The following BOLL variants were observed in gnomAD, a reference collection of about 807,000 sequenced individuals.
BOLL encodes the protein boule RNA binding protein, also known as protein boule-like.
Under a neutral mutation model 44.4 loss-of-function variants are expected in BOLL, and 23 were observed. The ratio of observed to expected loss-of-function variants is 0.52; its 90% CI spans 0.37 to 0.73. BOLL has a LOEUF of 0.73. BOLL is among the 30% of genes least tolerant of loss of function. BOLL has a pLI of 0.00. For missense variants in BOLL, 287 were observed against 338.3 expected (o/e 0.85, Z 1.19); for synonymous variants, 97 against 110.8 (o/e 0.88, Z 0.78).
chr2:197,774,038 T>A (rs1558994818), intron 5 of BOLL: 1 of 462,954 alleles, frequency 2.2e-6, no homozygotes. Flanking sequence ...AACTTTGGAG[T>A]CAAACAGTCC....
At chr2:197,756,880 T>C (rs888793389) in intron 8 of BOLL, among the ~76,000 whole-genome samples, 2 of 152,152 alleles carry the variant, frequency 1.3e-5, no homozygotes, top group South Asian at 2.1e-4. Flanking sequence ...GGTATTTAAA[T>C]TGACATAAAT....
chr2:197,755,255 A>T (rs1688459791), intron 9 of BOLL, among the ~76,000 whole-genome samples: 1 of 152,212 alleles, frequency 6.6e-6, no homozygotes, highest in African/African-American at 2.4e-5. Flanking sequence ...GATGCTGGTG[A>T]GGCTGTGGAG....
At chr2:197,775,395 A>AT (rs1405686529) in intron 5 of BOLL, among the ~76,000 whole-genome samples, 1 of 151,882 alleles carries the variant, frequency 6.6e-6, no homozygotes, top group Non-Finnish European at 1.5e-5. Flanking sequence ...ATTAAATGAT[A>AT]TTTTCATCAC....
intron 9 of BOLL, among the ~76,000 whole-genome samples, chr2:197,748,157 C>T (rs1392250958): frequency 1.3e-5 from 2 of 152,144 alleles, no homozygotes; most frequent in African/African-American, 4.8e-5. Flanking sequence ...CAGGGAACTC[C>T]CTTCCCCAGC....
intron 8 of BOLL, among the ~76,000 whole-genome samples, chr2:197,757,150 A>C (rs1688553018): frequency 6.6e-6 from 1 of 152,128 alleles, no homozygotes; most frequent in South Asian, 2.1e-4. Flanking sequence ...ATATTCACAA[A>C]AATCATGTAA....
At chr2:197,786,108 C>A (rs934079962), upstream of BOLL, 2 of 1,440,964 alleles carry the variant, frequency 1.4e-6, no homozygotes, top group East Asian at 2.7e-5. The surrounding 1 kb of genome is among the most constrained non-coding windows in gnomAD (Gnocchi z 5.9). Context: ...CTGGGACTCT[C>A]GCCCCCTGGC....
Position 197,771,873 on chromosome 2 carries a change from C to A in BOLL, c.462G>T (p.Ser154=), listed in dbSNP as rs757230427. The change falls in exon 6 of 11, where the codon TCG becomes TCT. Residue 154 remains serine, a synonymous_variant. Transcript: ENST00000392296. ...VAYFHTPEVT[S]VPPPWPSRSV... The stretch of plus-strand genomic sequence containing the variant: ...TACTTACAGGCCAAGGCGGTGGGAC[C>A]GAAGTTACCTCTGGAGTATGAAAAT... 6.3e-7 allele frequency: 1 copy of A among 1,587,486 alleles called. No homozygotes were observed. Among genetic ancestry groups the A allele is most frequent in the Admixed American group, 1.8e-5 (1 of 55,332 alleles).
chr2:197,742,510 TG>T lies in BOLL; in HGVS notation c.828+550del, dbSNP rs374543709. On this transcript the variant is annotated intron_variant, in intron 10 of 10. Coordinates refer to ENST00000392296, the MANE Select transcript of BOLL (RefSeq NM_033030.6). ...TAAAAAATGATGAGTTCATGTCCTT[TG>T]TAGGGACATGGATGAAGCTGGAAAC... Among the ~76,000 whole-genome samples the T allele has an allele frequency of 7.4e-4, 113 of 152,292 alleles. 2 individuals are homozygous for T. In the East Asian group the frequency reaches 0.019, roughly 26 times the overall value.
Position 197,781,708 on chromosome 2 carries a change from G to T in BOLL, c.129+14C>A, listed in dbSNP as rs750797189. The T allele has an allele frequency of 2.0e-6, 3 of 1,512,916 alleles. No individual in the cohort carries two copies. In the South Asian group the frequency reaches 4.1e-5, roughly 21 times the overall value. 93.7% of individuals were successfully genotyped at this position (1,512,916 alleles called of 1,614,324 possible). On this transcript the variant is annotated intron_variant, in intron 2 of 10. Transcript: ENST00000392296. ...AATGAAAAAATACACTTTACTGCAT[G>T]CATAAATAGGTACCTTAAAATCAAT...
chr2:197,761,293 AC>A (rs1688745487), intron 7 of BOLL, among the ~76,000 whole-genome samples: 1 of 152,212 alleles, frequency 6.6e-6, no homozygotes, highest in Admixed American at 6.5e-5. Flanking sequence ...CTCTAAAAAA[AC>A]CAGCTCTTTC....
In BOLL at chr2:197,743,071, T is replaced by C; in HGVS notation, c.818A>G (p.Glu273Gly). The C allele has an allele frequency of 6.3e-7, 1 of 1,591,178 alleles. No individual in the cohort carries two copies. Among genetic ancestry groups the C allele is most frequent in the South Asian group, 1.2e-5 (1 of 86,608 alleles). Reference protein sequence around the residue: ...ITMPAPVMQPEPIKTVWSIHY With the variant: ...ITMPAPVMQPGPIKTVWSIHY ...AAACAAATTTCTTACTTTAATTGGC[T>C]CAGGCTGCATCACAGGCGCAGGCAT... The change falls in exon 10 of 11, where the codon GAG (glutamate) becomes GGG (glycine). Residue 273 changes from glutamate (E) to glycine (G), a missense_variant. Physicochemically the swap from Glu to Gly is moderately conservative, Grantham distance 98. Coordinates refer to ENST00000392296, the MANE Select transcript of BOLL (RefSeq NM_033030.6).
intron 8 of BOLL, 68 bp from the exon 9 acceptor site, chr2:197,756,624 C>A (rs549820868): frequency 1.4e-5 from 19 of 1,406,914 alleles, no homozygotes; most frequent in Non-Finnish European, 1.8e-5. Flanking sequence ...AATGACTTAG[C>A]CAACAGATGA....
At chr2:197,785,356 C>A (rs895977912), upstream of BOLL, 33 of 985,846 alleles carry the variant, frequency 3.3e-5, no homozygotes, top group African/African-American at 5.1e-4. The surrounding 1 kb of genome is among the most constrained non-coding windows in gnomAD (Gnocchi z 6.7). Context: ...TGATTGGCTG[C>A]TGGCGGCGGG....
intron 10 of BOLL, among the ~76,000 whole-genome samples, chr2:197,734,552 A>C (rs1163006192): frequency 1.3e-5 from 2 of 152,198 alleles, no homozygotes; most frequent in East Asian, 3.8e-4. Flanking sequence ...AAGACTTGGA[A>C]CCAACCCAAA....
chr2:197,729,260 C>T (rs889811994), intron 10 of BOLL, among the ~76,000 whole-genome samples: 2 of 152,194 alleles, frequency 1.3e-5, no homozygotes, highest in South Asian at 4.1e-4. Flanking sequence ...TTCCGACGGG[C>T]TTAAAAAACG....
At position 197,728,108 on chromosome 2, in the gene BOLL, A is replaced by G. The variant is rs1172947589; in HGVS notation, c.*447T>C. 1 of 180,046 alleles carries G rather than the reference A, an allele frequency of 5.6e-6. No homozygotes were observed. The allele number at this position is 180,046 out of a possible 1,614,324, so 11.2% of individuals were successfully genotyped here. On this transcript the variant is annotated 3_prime_UTR_variant, in exon 11 of 11. Coordinates refer to ENST00000392296, the MANE Select transcript of BOLL (RefSeq NM_033030.6). ...TAAATAGTATACTGTTGTAAAATAT[A>G]TGAAAGTATTAAAAGTATTATAATT...
chr2:197,742,673 G>T (rs1687804893), intron 10 of BOLL, among the ~76,000 whole-genome samples: 1 of 152,052 alleles, frequency 6.6e-6, no homozygotes, highest in African/African-American at 2.4e-5. Flanking sequence ...GTGGGGTGGG[G>T]GGAGTGGGGA....
intron 7 of BOLL, among the ~76,000 whole-genome samples, chr2:197,765,569 A>G (rs1688954053): frequency 6.6e-6 from 1 of 152,012 alleles, no homozygotes; most frequent in Admixed American, 6.6e-5. Context: ...GTATCAAAAC[A>G]TCACTACATA....
At chr2:197,753,982 T>C (rs1280549370) in intron 9 of BOLL, among the ~76,000 whole-genome samples, 1 of 152,168 alleles carries the variant, frequency 6.6e-6, no homozygotes, top group African/African-American at 2.4e-5. Context: ...TCATGTCCTT[T>C]GCAGGGACAT....
Sources: gnomAD v4.1 joint callset for allele counts (sites outside exome capture counted in the v4.1 genomes callset) on GRCh38, gnomAD v4.1.1 for gene constraint, Gnocchi (gnomAD v3.1) non-coding constraint, MANE v1.5 for transcripts, NCBI Gene and HGNC (gene_info 2026-07-23, HGNC 2026-07-21) for gene names.